Variants in PCDH9 observed in about 807,000 individuals in gnomAD.
PCDH9 encodes the protein protocadherin 9, also known as protocadherin-9.
In PCDH9, 24 loss-of-function variants were observed where a neutral mutation model predicts 70.6. The observed-to-expected ratio is 0.34, with a 90% confidence interval of 0.25 to 0.48. The LOEUF is 0.48. PCDH9 is among the 20% of genes least tolerant of loss of function. The pLI is 0.99. For missense variants in PCDH9, 1,281 were observed against 1,503.6 expected, an observed-to-expected ratio of 0.85 and a Z score of 2.45; for synonymous variants, 562 against 558.5, an observed-to-expected ratio of 1.01 and a Z score of -0.09.
chr13:66,892,775 G>T (rs1244414579), intron 3 of PCDH9, among the ~76,000 whole-genome samples: 1 of 152,010 alleles, frequency 6.6e-6, no homozygotes, highest in Non-Finnish European at 1.5e-5. Flanking sequence ...TATTATTGAA[G>T]ATTATATCTA....
At chr13:66,934,829 T>A (rs1233974315) in intron 2 of PCDH9, among the ~76,000 whole-genome samples, 5 of 133,858 alleles carry the variant, frequency 3.7e-5, no homozygotes. Flanking sequence ...CACGCCATTC[T>A]CCTGCCTCAG....
chr13:66,828,287 T>A (rs997735479), intron 3 of PCDH9, among the ~76,000 whole-genome samples: 11 of 152,162 alleles, frequency 7.2e-5, no homozygotes, highest in African/African-American at 2.2e-4. Context: ...GTAATTTTAA[T>A]CCCCAAAGCA....
intron 2 of PCDH9, among the ~76,000 whole-genome samples, chr13:67,177,594 C>A (rs2088498295): frequency 6.6e-6 from 1 of 152,044 alleles, no homozygotes; most frequent in South Asian, 2.1e-4. Flanking sequence ...AAGATACAAC[C>A]TTACAATCTT....
intron 4 of PCDH9, among the ~76,000 whole-genome samples, chr13:66,338,891 A>AG (rs370264199): frequency 6.6e-6 from 1 of 151,392 alleles, no homozygotes; most frequent in Non-Finnish European, 1.5e-5. Flanking sequence ...AGAAAAAAAA[A>AG]GAAGTAAAGA....
intron 4 of PCDH9, among the ~76,000 whole-genome samples, chr13:66,453,824 A>G (rs943746006): frequency 2.0e-5 from 3 of 152,228 alleles, no homozygotes; most frequent in Non-Finnish European, 4.4e-5. Context: ...TGAGATATGC[A>G]TATCTCATTA....
intron 2 of PCDH9, among the ~76,000 whole-genome samples, chr13:67,041,711 G>T (rs1368763464): frequency 1.3e-5 from 2 of 151,568 alleles, no homozygotes; most frequent in African/African-American, 4.8e-5. Context: ...GGCACCTGTA[G>T]TCCCAGCTAC....
chr13:66,313,488 C>A (rs914859516), intron 4 of PCDH9, among the ~76,000 whole-genome samples: 3 of 152,180 alleles, frequency 2.0e-5, no homozygotes, highest in African/African-American at 7.2e-5. Flanking sequence ...GATTAATTTT[C>A]AGGCTGAAGT....
intron 2 of PCDH9, among the ~76,000 whole-genome samples, chr13:67,074,138 C>T (rs1045574182): frequency 6.6e-6 from 1 of 151,916 alleles, no homozygotes; most frequent in Non-Finnish European, 1.5e-5. Flanking sequence ...ATCTATCTAT[C>T]TTACTGCTAT....
At chr13:67,031,272 A>G (rs2084900290) in intron 2 of PCDH9, among the ~76,000 whole-genome samples, 1 of 152,236 alleles carries the variant, frequency 6.6e-6, no homozygotes, top group Non-Finnish European at 1.5e-5. Context: ...AATTATATAT[A>G]GTGAAGTAAA....
At chr13:66,719,430 G>C (rs1331572863) in intron 3 of PCDH9, among the ~76,000 whole-genome samples, 2 of 152,118 alleles carry the variant, frequency 1.3e-5, no homozygotes, top group African/African-American at 2.4e-5. Flanking sequence ...TTATGAAAGA[G>C]ATTGAGGAGG....
chr13:66,337,796 T>G (rs1168635654), intron 4 of PCDH9, among the ~76,000 whole-genome samples: 1 of 152,078 alleles, frequency 6.6e-6, no homozygotes, highest in African/African-American at 2.4e-5. Context: ...TCGTGTTTAT[T>G]TAAGAAACAT....
intron 3 of PCDH9, among the ~76,000 whole-genome samples, chr13:66,821,886 C>A (rs1179864556): frequency 6.6e-6 from 1 of 152,144 alleles, no homozygotes; most frequent in African/African-American, 2.4e-5. Flanking sequence ...TTCATTTTCA[C>A]AAATTTCTTA....
intron 2 of PCDH9, among the ~76,000 whole-genome samples, chr13:67,163,799 T>C (rs1341963501): frequency 6.6e-6 from 1 of 152,198 alleles, no homozygotes; most frequent in Non-Finnish European, 1.5e-5. Flanking sequence ...GTTAATTCTT[T>C]TCTTATACAT....
chr13:66,416,402 C>T (rs977013442), intron 4 of PCDH9, among the ~76,000 whole-genome samples: 1 of 151,870 alleles, frequency 6.6e-6, no homozygotes, highest in South Asian at 2.1e-4. Flanking sequence ...TATCTAGGAC[C>T]CCAACAGCCG....
At chr13:66,668,550 T>C (rs985730008) in intron 3 of PCDH9, among the ~76,000 whole-genome samples, 1 of 152,150 alleles carries the variant, frequency 6.6e-6, no homozygotes, top group African/African-American at 2.4e-5. Flanking sequence ...ATTCATTCAC[T>C]CAAAAACTAA....
At chr13:66,548,682 A>G (rs576610416) in intron 4 of PCDH9, among the ~76,000 whole-genome samples, 5 of 152,262 alleles carry the variant, frequency 3.3e-5, no homozygotes, top group African/African-American at 1.2e-4. Flanking sequence ...AGTGATATCC[A>G]CTTTAAAAGG....
intron 3 of PCDH9, among the ~76,000 whole-genome samples, chr13:66,717,745 T>C (rs1000954719): frequency 1.3e-5 from 2 of 151,898 alleles, no homozygotes; most frequent in African/African-American, 2.4e-5. Context: ...TCAGAGTAGG[T>C]GCATATATCT....
intron 2 of PCDH9, among the ~76,000 whole-genome samples, chr13:67,025,654 C>T (rs1225326038): frequency 6.6e-6 from 1 of 151,948 alleles, no homozygotes; most frequent in Non-Finnish European, 1.5e-5. Context: ...TTAAAAATTA[C>T]TGGGAGGAAG....
chr13:66,358,102 T>C (rs1267133054), intron 4 of PCDH9, among the ~76,000 whole-genome samples: 2 of 152,034 alleles, frequency 1.3e-5, no homozygotes, highest in Non-Finnish European at 2.9e-5. Context: ...AATTAAATTG[T>C]CTGCCAAAAT....
Sources: gnomAD v4.1 joint callset for allele counts (sites outside exome capture counted in the v4.1 genomes callset) on GRCh38, gnomAD v4.1.1 for gene constraint, MANE v1.5 for transcripts, NCBI Gene and HGNC (gene_info 2026-07-23, HGNC 2026-07-21) for gene names.